The following PPP3CB variants were observed in gnomAD, a reference collection of about 807,000 sequenced individuals.
The protein encoded by PPP3CB is serine/threonine-protein phosphatase 2B catalytic subunit beta isoform.
A neutral mutation model predicts 66.4 loss-of-function variants in PPP3CB; 8 were observed. That is an observed-to-expected ratio of 0.12 (90% CI 0.07 to 0.22). The LOEUF (loss-of-function observed/expected upper bound fraction) is 0.22. Among genes scored for constraint, PPP3CB ranks in the 10% least tolerant of loss-of-function variants. PPP3CB has a pLI of 1.00. For synonymous variants in PPP3CB, 208 were observed against 221.2 expected (o/e 0.94, Z 0.53); for missense variants, 319 against 642.5 (o/e 0.50, Z 5.44).
intron 1 of PPP3CB, among the ~76,000 whole-genome samples, chr10:73,486,595 G>A (rs766374384): frequency 4.6e-5 from 7 of 151,792 alleles, no homozygotes; most frequent in South Asian, 2.1e-4. Flanking sequence ...GTGAGCCACC[G>A]CGCTTGGCCT....
intron 11 of PPP3CB, among the ~76,000 whole-genome samples, chr10:73,446,123 T>A (rs1462404568): frequency 6.6e-6 from 1 of 150,942 alleles, no homozygotes; most frequent in Admixed American, 6.6e-5. Flanking sequence ...TTTTTTTTTT[T>A]AGACAGAGCC....
chr10:73,483,929 T>C (rs1316601545), intron 1 of PPP3CB, among the ~76,000 whole-genome samples: 1 of 151,744 alleles, frequency 6.6e-6, no homozygotes, highest in Non-Finnish European at 1.5e-5. Flanking sequence ...AGATCACTTG[T>C]GGTCAGGAGT....
At chr10:73,461,625 G>C (rs2056522587) in intron 9 of PPP3CB, among the ~76,000 whole-genome samples, 1 of 152,120 alleles carries the variant, frequency 6.6e-6, no homozygotes, top group African/African-American at 2.4e-5. Context: ...CAGGTTCATA[G>C]GTAGAAGGAA....
chr10:73,444,236 G>A (rs1400528840), intron 12 of PPP3CB: 2 of 186,196 alleles, frequency 1.1e-5, no homozygotes, highest in African/African-American at 4.7e-5. Context: ...AAGGGCATAA[G>A]TAATGTTCTG....
At chr10:73,487,119 G>A (rs917411889) in intron 1 of PPP3CB, among the ~76,000 whole-genome samples, 10 of 152,134 alleles carry the variant, frequency 6.6e-5, no homozygotes, top group Admixed American at 3.3e-4. Flanking sequence ...GTAGTAAGCC[G>A]GGATTGGGCC....
chr10:73,481,376 G>A (rs180691159), intron 1 of PPP3CB, among the ~76,000 whole-genome samples: 4 of 151,288 alleles, frequency 2.6e-5, no homozygotes, highest in Admixed American at 2.0e-4. Flanking sequence ...AGAGGGTGAC[G>A]CAGGAGAATC....
At chr10:73,471,280 C>T (rs2056697996) in intron 5 of PPP3CB, 71 bp from the exon 6 acceptor site, 24 of 1,459,250 alleles carry the variant, frequency 1.6e-5, no homozygotes, top group Admixed American at 6.3e-5. Flanking sequence ...CATAGGAAAA[C>T]GATACCAACT....
intron 8 of PPP3CB, 60 bp from the exon 9 acceptor site, chr10:73,467,738 TA>T: frequency 7.1e-7 from 1 of 1,418,026 alleles, no homozygotes. Flanking sequence ...TCATTAGCCT[TA>T]AAAATATAAA....
At chr10:73,473,059 G>A (rs2056728497) in intron 4 of PPP3CB, among the ~76,000 whole-genome samples, 1 of 152,154 alleles carries the variant, frequency 6.6e-6, no homozygotes, top group African/African-American at 2.4e-5. Flanking sequence ...TACACTGGCA[G>A]TCTGCTAACG....
Position 73,459,025 on chromosome 10 carries a change from G to A in PPP3CB, c.1109-4536C>T, listed in dbSNP as rs544119303. Among the ~76,000 whole-genome samples the A allele has an allele frequency of 1.7e-3, 259 of 152,030 alleles. 1 individual carries two copies. Among genetic ancestry groups the A allele is most frequent in the African/African-American group, 5.9e-3 (244 of 41,450 alleles). On this transcript the variant is annotated intron_variant, in intron 9 of 13. Transcript: ENST00000360663. Reference sequence around the variant, plus strand: ...GCAGAGGTTGCGGTGAGCCGAGATCGCACCATTGCACCCTAGCATGGGCAA... The same window carrying A: ...GCAGAGGTTGCGGTGAGCCGAGATCACACCATTGCACCCTAGCATGGGCAA...
chr10:73,457,941 T>C (rs1211704400), intron 9 of PPP3CB, among the ~76,000 whole-genome samples: 1 of 151,624 alleles, frequency 6.6e-6, no homozygotes, highest in African/African-American at 2.4e-5. Context: ...GGAGGTAGAG[T>C]GTGGAATGAT....
intron 1 of PPP3CB, among the ~76,000 whole-genome samples, chr10:73,481,625 T>TAAAAAAAAACAAAA (rs533404783): frequency 2.0e-3 from 282 of 138,686 alleles, no homozygotes; most frequent in African/African-American, 7.4e-3. Flanking sequence ...TTAAAGTAAC[T>TAAAAAAAAACAAAA]AAAAAAAAAC....
rs2056692936 is a variant in PPP3CB, at chr10:73,470,981, GTAAAT to G, written c.810-22_810-18del. 1.2e-6 allele frequency: 2 copies of G among 1,609,212 alleles called. No individual in the cohort carries two copies. The highest frequency in any genetic ancestry group is 2.2e-5 in the South Asian group (2 of 90,494). On this transcript the variant is annotated intron_variant, in intron 6 of 13. Coordinates refer to ENST00000360663, the MANE Select transcript of PPP3CB (RefSeq NM_021132.4). ...GCTGGATAGCTGTGGGGGAAAAAGA[GTAAAT>G]TAAGTAAAATAATGGCTTTTCTGTA...
At chr10:73,482,499 C>T (rs533110636) in intron 1 of PPP3CB, among the ~76,000 whole-genome samples, 304 of 133,640 alleles carry the variant, frequency 2.3e-3, no homozygotes, top group African/African-American at 3.3e-3. Flanking sequence ...GCCGAGATCG[C>T]GCCACTGCAC....
intron 10 of PPP3CB, among the ~76,000 whole-genome samples, chr10:73,452,170 TA>T (rs970208978): frequency 6.6e-6 from 1 of 151,890 alleles, no homozygotes; most frequent in East Asian, 1.9e-4. Context: ...GAAAACTTTC[TA>T]AAAAAAAGTA....
At chr10:73,472,999 A>T (rs562917618) in intron 4 of PPP3CB, among the ~76,000 whole-genome samples, 5 of 152,190 alleles carry the variant, frequency 3.3e-5, no homozygotes, top group Non-Finnish European at 5.9e-5. Context: ...TTAATACTGT[A>T]ATATTCAAAT....
At position 73,438,372 on chromosome 10, in the gene PPP3CB, G is replaced by A; in HGVS notation, c.1445C>T (p.Ala482Val). The change falls in exon 14 of 14, where the codon GCA (alanine) becomes GTA (valine). Residue 482 changes from alanine to valine, a missense_variant. Transcript: ENST00000360663. ...PPHRICSFEE[A>V]KGLDRINERM... is the part of the protein sequence containing the mutation. ...CTCATTGATCCTATCCAAACCCTTT[G>A]CCTCTTCAAAACTGCAGATTCTATG... is the stretch of plus-strand genomic sequence containing the variant. 1.2e-6 allele frequency: 2 copies of A among 1,613,594 alleles called. No individual in the cohort carries two copies. The highest frequency in any genetic ancestry group is 1.7e-6 in the Non-Finnish European group (2 of 1,179,560).
In PPP3CB at chr10:73,495,796, A is replaced by C; in HGVS notation, c.85+9T>G. The C allele has an allele frequency of 3.3e-6, 5 of 1,531,014 alleles. No homozygotes were observed. The highest frequency in any genetic ancestry group is 4.4e-6 in the Non-Finnish European group (5 of 1,134,936). The allele number at this position is 1,531,014 out of a possible 1,614,324, so 94.8% of individuals were successfully genotyped here. A position where few individuals can be genotyped will look rare whatever the true frequency, so the allele number is the denominator to read the frequency against. The stretch of plus-strand genomic sequence containing the variant: ...AGGCCAGGCCCCCAGGGTTTCGTCC[A>C]CCTCTCACCTTTGACGACGCGGTCA... On this transcript the variant is annotated intron_variant, in intron 1 of 13. Coordinates refer to ENST00000360663, the MANE Select transcript of PPP3CB (RefSeq NM_021132.4).
intron 7 of PPP3CB, 47 bp downstream of exon 7, chr10:73,470,840 A>C: frequency 1.3e-6 from 2 of 1,590,502 alleles, no homozygotes; most frequent in Non-Finnish European, 1.7e-6. Context: ...ACTAAGTTTG[A>C]TTTATATTTT....
Sources: allele counts gnomAD v4.1 joint callset (sites outside exome capture counted in the v4.1 genomes callset), GRCh38; gene constraint gnomAD v4.1.1; transcripts MANE v1.5; gene names NCBI Gene and HGNC (gene_info 2026-07-23, HGNC 2026-07-21).